CNTN5: variants seen among roughly 807,000 people sequenced by gnomAD.
CNTN5 encodes contactin-5.
In CNTN5, 77 loss-of-function variants were observed where a neutral mutation model predicts 129.1. The ratio of observed to expected loss-of-function variants is 0.60; its 90% CI spans 0.50 to 0.72. The LOEUF (loss-of-function observed/expected upper bound fraction) is 0.72, where lower values mean the gene tolerates loss of function less well. CNTN5 is among the 30% of genes least tolerant of loss of function. The pLI, the probability that CNTN5 is intolerant of heterozygous loss-of-function variation, is 0.00. For missense variants in CNTN5, 1,478 were observed against 1,328.8 expected, an observed-to-expected ratio of 1.11 and a Z score of -1.75; for synonymous variants, 509 against 465.6, an observed-to-expected ratio of 1.09 and a Z score of -1.20.
chr11:100,194,305 C>A (rs892922492), intron 15 of CNTN5, among the ~76,000 whole-genome samples: 1 of 151,746 alleles, frequency 6.6e-6, no homozygotes, highest in African/African-American at 2.4e-5. Context: ...CCCACATGGA[C>A]TTATTTAAAA....
intron 9 of CNTN5, among the ~76,000 whole-genome samples, chr11:100,006,177 C>T (rs7128138): frequency 0.37 from 56,817 of 151,962 alleles, 12,018 homozygotes; most frequent in African/African-American, 0.57. Flanking sequence ...AAATATTTTA[C>T]TGCTAAAAAT....
At chr11:99,462,488 T>C (rs1455042126) in intron 2 of CNTN5, among the ~76,000 whole-genome samples, 1 of 152,020 alleles carries the variant, frequency 6.6e-6, no homozygotes, top group African/African-American at 2.4e-5. Flanking sequence ...AAATATTAGC[T>C]CAACAGGTGT....
chr11:99,373,185 G>A (rs1247572558), intron 2 of CNTN5, among the ~76,000 whole-genome samples: 1 of 152,116 alleles, frequency 6.6e-6, no homozygotes, highest in Non-Finnish European at 1.5e-5. Flanking sequence ...CTCCAGCCAG[G>A]GTGACAAGAA....
chr11:100,075,098 T>G (rs759006714), intron 13 of CNTN5, among the ~76,000 whole-genome samples: 1 of 152,150 alleles, frequency 6.6e-6, no homozygotes, highest in African/African-American at 2.4e-5. Flanking sequence ...TTTATGTTTG[T>G]CCCAATCTAC....
At chr11:99,684,545 C>T (rs1049570941) in intron 3 of CNTN5, among the ~76,000 whole-genome samples, 14 of 151,854 alleles carry the variant, frequency 9.2e-5, no homozygotes, top group South Asian at 6.2e-4. Flanking sequence ...ATAGCAGATA[C>T]GCTTTTCCTC....
intron 3 of CNTN5, among the ~76,000 whole-genome samples, chr11:99,798,164 G>C (rs1488283735): frequency 1.3e-5 from 2 of 151,946 alleles, no homozygotes; most frequent in African/African-American, 4.8e-5. Context: ...ATGTGTCCAT[G>C]TGTTCTCATC....
rs1413715600 is a variant in CNTN5, at chr11:100,071,739, T to C, written c.1334T>C (p.Ile445Thr). 2 of 1,598,638 alleles carry C rather than the reference T, an allele frequency of 1.3e-6. No homozygotes were observed. The highest frequency in any genetic ancestry group is 2.3e-5 in the East Asian group (1 of 44,410). ...GAGATGGTTAATGGAGTATTGATGATCCACAATGTGAATCAATCAGATGCT... is the reference window on the plus strand; with the variant it reads ...GAGATGGTTAATGGAGTATTGATGACCCACAATGTGAATCAATCAGATGCT... Reference protein sequence around the residue: ...RVEMVNGVLMIHNVNQSDAGM... With the variant: ...RVEMVNGVLMTHNVNQSDAGM... The change falls in exon 12 of 25, where the codon ATC (isoleucine) becomes ACC (threonine). Residue 445 changes from isoleucine (I) to threonine (T), a missense_variant. Transcript: ENST00000524871.
intron 1 of CNTN5, among the ~76,000 whole-genome samples, chr11:99,092,851 T>C (rs1591178308): frequency 6.6e-6 from 1 of 152,042 alleles, no homozygotes; most frequent in Non-Finnish European, 1.5e-5. Flanking sequence ...GTTATTATGG[T>C]TTATGTTTGT....
At chr11:99,955,183 A>T (rs11222030) in intron 7 of CNTN5, among the ~76,000 whole-genome samples, 10,643 of 150,952 alleles carry the variant, frequency 0.071, 770 homozygotes, top group East Asian at 0.32. Context: ...TATATTAAAA[A>T]ATATATGAAT....
At chr11:99,195,143 A>G (rs565550712) in intron 1 of CNTN5, among the ~76,000 whole-genome samples, 176 of 152,310 alleles carry the variant, frequency 1.2e-3, no homozygotes, top group African/African-American at 4.1e-3. Context: ...CTGAAGGATT[A>G]TATTTTATTT....
chr11:100,178,237 A>G (rs1302530850), intron 13 of CNTN5, among the ~76,000 whole-genome samples: 2 of 152,138 alleles, frequency 1.3e-5, no homozygotes, highest in Admixed American at 1.3e-4. Context: ...TCGTTTTCCT[A>G]AAAGCAAAAC....
intron 1 of CNTN5, among the ~76,000 whole-genome samples, chr11:99,280,619 A>AC (rs527331065): frequency 2.0e-5 from 3 of 151,778 alleles, no homozygotes; most frequent in Admixed American, 1.3e-4. Flanking sequence ...ATAGCTATAG[A>AC]CCCAATCTCT....
intron 3 of CNTN5, among the ~76,000 whole-genome samples, chr11:99,757,066 A>G (rs1944428097): frequency 6.6e-6 from 1 of 152,080 alleles, no homozygotes; most frequent in Non-Finnish European, 1.5e-5. Context: ...AAACCAGATG[A>G]GTTAAAAAGT....
intron 3 of CNTN5, among the ~76,000 whole-genome samples, chr11:99,599,154 G>C (rs1308611614): frequency 6.6e-6 from 1 of 151,480 alleles, no homozygotes; most frequent in Non-Finnish European, 1.5e-5. Context: ...AAAACTACCT[G>C]TAAATCTCAA....
At chr11:100,116,203 C>G (rs1945835031) in intron 13 of CNTN5, among the ~76,000 whole-genome samples, 2 of 151,980 alleles carry the variant, frequency 1.3e-5, no homozygotes, top group South Asian at 4.1e-4. Context: ...GGAAAGAGTT[C>G]TTCTGACTGC....
At chr11:100,012,020 A>T (rs1940563321) in intron 9 of CNTN5, among the ~76,000 whole-genome samples, 3 of 152,192 alleles carry the variant, frequency 2.0e-5, no homozygotes, top group South Asian at 4.1e-4. Context: ...GGAATTAAAA[A>T]TGAATTGGAG....
At chr11:99,845,956 C>G (rs2135702207) in intron 6 of CNTN5, among the ~76,000 whole-genome samples, 1 of 152,108 alleles carries the variant, frequency 6.6e-6, no homozygotes, top group African/African-American at 2.4e-5. Context: ...ACTATAGTCA[C>G]CATTTGCTAT....
intron 3 of CNTN5, among the ~76,000 whole-genome samples, chr11:99,780,548 G>T (rs1208606630): frequency 6.6e-6 from 1 of 152,018 alleles, no homozygotes; most frequent in Non-Finnish European, 1.5e-5. Context: ...AAGTAAGCTT[G>T]AACCAACACA....
At chr11:99,409,281 G>A (rs1022722531) in intron 2 of CNTN5, among the ~76,000 whole-genome samples, 1 of 152,034 alleles carries the variant, frequency 6.6e-6, no homozygotes, top group Non-Finnish European at 1.5e-5. Flanking sequence ...AAGCTAACAC[G>A]GTGAAACCGC....
Sources: gnomAD v4.1 joint callset for allele counts (sites outside exome capture counted in the v4.1 genomes callset) on GRCh38, gnomAD v4.1.1 for gene constraint, MANE v1.5 for transcripts, NCBI Gene and HGNC (gene_info 2026-07-23, HGNC 2026-07-21) for gene names.